The following PARD6G variants were observed in gnomAD, a reference collection of about 807,000 sequenced individuals.
PARD6G encodes par-6 family cell polarity regulator gamma, also known as partitioning defective 6 homolog gamma.
Under a neutral mutation model 10.7 loss-of-function variants are expected in PARD6G, and 7 were observed. That is an observed-to-expected ratio of 0.66 (90% CI 0.37 to 1.23). The LOEUF is 1.23. PARD6G is among the 50% of genes most tolerant of loss of function. PARD6G has a pLI of 0.02. For synonymous variants in PARD6G, 287 were observed against 269.4 expected, an observed-to-expected ratio of 1.07 and a Z score of -0.64; for missense variants, 548 against 571.8, an observed-to-expected ratio of 0.96 and a Z score of 0.42.
At chr18:80,172,315 A>G (rs1416684312) in intron 2 of PARD6G, among the ~76,000 whole-genome samples, 3 of 150,698 alleles carry the variant, frequency 2.0e-5, no homozygotes, top group Non-Finnish European at 4.4e-5. Flanking sequence ...CCACTTGAAT[A>G]TCTTTTTTGG....
Position 80,247,279 on chromosome 18 carries a change from T to C in PARD6G, c.70A>G (p.Lys24Glu). 2 of 1,576,932 alleles carry C rather than the reference T, an allele frequency of 1.3e-6. No individual in the cohort carries two copies. Among genetic ancestry groups the C allele is most frequent in the Non-Finnish European group, 1.7e-6 (2 of 1,162,278 alleles). The change falls in exon 1 of 3, where the codon AAG (lysine) becomes GAG (glutamate). Residue 24 changes from lysine (K) to glutamate (E), a missense_variant and splice_region_variant. By Grantham distance (56) the Lys-to-Glu change is moderately conservative. Coordinates refer to ENST00000353265, the MANE Select transcript of PARD6G (RefSeq NM_032510.4). The surrounding 1 kb of genome is among the most constrained non-coding windows in gnomAD (Gnocchi z 4.2). ...YDCSAVEVKS[K>E]FGAEFRRFSL... Reference sequence around the variant, plus strand: ...GCCGGGGCGGGCGGGGGGCTTACCTTGCTCTTGACTTCCACTGCGCTGCAA... The same window carrying C: ...GCCGGGGCGGGCGGGGGGCTTACCTCGCTCTTGACTTCCACTGCGCTGCAA...
rs746894104 is a variant in PARD6G, at chr18:80,160,340, C to T, written c.562G>A (p.Glu188Lys). The T allele has an allele frequency of 1.2e-6, 2 of 1,611,746 alleles. No homozygotes were observed. Among genetic ancestry groups the T allele is most frequent in the South Asian group, 1.1e-5 (1 of 91,072 alleles). Residue 188 changes from glutamate to lysine, a missense_variant, in exon 3 of 3, where the codon GAG becomes AAG. Around this residue, in one of 2 missense-constraint regions of PARD6G, gnomAD observed 235 missense variants for 291.9 expected, o/e 0.81. Coordinates refer to ENST00000353265, the MANE Select transcript of PARD6G (RefSeq NM_032510.4). ...ASVRVTPHGL[E>K]KVPGIFISRM... The stretch of plus-strand genomic sequence containing the variant: ...GAGATGAAGATGCCGGGCACCTTCT[C>T]CAGCCCGTGCGGGGTCACGCGCACG...
chr18:80,190,729 G>T (rs1454115638), intron 2 of PARD6G, among the ~76,000 whole-genome samples: 1 of 152,164 alleles, frequency 6.6e-6, no homozygotes, highest in Non-Finnish European at 1.5e-5. Context: ...GGGCAGGCGG[G>T]CAGCTGTTGG....
At chr18:80,239,811 G>A (rs777023408) in intron 1 of PARD6G, among the ~76,000 whole-genome samples, 7 of 152,296 alleles carry the variant, frequency 4.6e-5, no homozygotes, top group South Asian at 2.1e-4. Context: ...CCCCGGCAAT[G>A]AGCCAACTGG....
chr18:80,177,066 C>A (rs1220526155), intron 2 of PARD6G, among the ~76,000 whole-genome samples: 1 of 137,698 alleles, frequency 7.3e-6, no homozygotes, highest in African/African-American at 2.8e-5. Context: ...TAAATCACAG[C>A]CCAAATGGAA....
At position 80,188,043 on chromosome 18, in the gene PARD6G, C is replaced by T. The variant is rs1018745086; in HGVS notation, c.295+14667G>A. On this transcript the variant is annotated intron_variant, in intron 2 of 2. Coordinates refer to ENST00000353265, the MANE Select transcript of PARD6G (RefSeq NM_032510.4). This position sits in a 1 kb window ranked among gnomAD's most constrained non-coding sequence, Gnocchi z 5.4. ...ATATGTGCTCCATCACTGACTGAAA[C>T]GCTAAGTGGTGCGCGACCGTGCCCA... 10 of 152,224 alleles carry T rather than the reference C, an allele frequency of 6.6e-5. No individual in the cohort carries two copies. The highest frequency in any genetic ancestry group is 3.9e-4 in the Admixed American group (6 of 15,286). 9.4% of individuals were successfully genotyped at this position (152,224 alleles called of 1,614,324 possible). A position where few individuals can be genotyped will look rare whatever the true frequency, so the allele number is the denominator to read the frequency against.
chr18:80,209,638 A>C (rs907398078), intron 1 of PARD6G, among the ~76,000 whole-genome samples: 1 of 152,064 alleles, frequency 6.6e-6, no homozygotes, highest in African/African-American at 2.4e-5. Flanking sequence ...TGGGGAAACC[A>C]TGTCTCTACA....
At chr18:80,237,101 A>T (rs1967432518) in intron 1 of PARD6G, among the ~76,000 whole-genome samples, 1 of 152,200 alleles carries the variant, frequency 6.6e-6, no homozygotes, top group Non-Finnish European at 1.5e-5. Flanking sequence ...TTCAAACTAC[A>T]CTACAAGGCT....
At chr18:80,206,895 C>T (rs376954257) in intron 1 of PARD6G, among the ~76,000 whole-genome samples, 2 of 149,086 alleles carry the variant, frequency 1.3e-5, no homozygotes, top group Non-Finnish European at 1.5e-5. Flanking sequence ...AAATACTTAA[C>T]GTAAATGAAA....
At chr18:80,233,327 G>A (rs1599876453) in intron 1 of PARD6G, among the ~76,000 whole-genome samples, 1 of 152,108 alleles carries the variant, frequency 6.6e-6, no homozygotes, top group African/African-American at 2.4e-5. Flanking sequence ...TGGAACCGGC[G>A]GGTCTCACAC....
In PARD6G at chr18:80,182,033, G is replaced by A. The variant is rs12457699; in HGVS notation, c.295+20677C>T. Among the ~76,000 whole-genome samples the A allele has an allele frequency of 0.011, 1,669 of 152,294 alleles. 84 individuals carry two copies. Among genetic ancestry groups the A allele is most frequent in the Admixed American group, 0.08 (1,216 of 15,282 alleles). ...TCATCTTGCCACCTGCTTTTGTTAC[G>A]CAAGAAACTGAGGCAGAAAGCAGGG... On this transcript the variant is annotated intron_variant, in intron 2 of 2. Coordinates refer to ENST00000353265, the MANE Select transcript of PARD6G (RefSeq NM_032510.4). This position sits in a 1 kb window ranked among gnomAD's most constrained non-coding sequence, Gnocchi z 4.5.
At chr18:80,173,275 A>G (rs2145254120) in intron 2 of PARD6G, among the ~76,000 whole-genome samples, 1 of 152,214 alleles carries the variant, frequency 6.6e-6, no homozygotes, top group Middle Eastern at 3.4e-3. Flanking sequence ...CAAAGACAAG[A>G]CTCAGAACTA....
intron 1 of PARD6G, among the ~76,000 whole-genome samples, chr18:80,225,145 G>A (rs142142042): frequency 3.3e-5 from 5 of 152,306 alleles, no homozygotes; most frequent in Admixed American, 6.5e-5. Flanking sequence ...CTGCGGCACC[G>A]TTTCTCAGTC....
chr18:80,223,542 G>T (rs925263885), intron 1 of PARD6G, among the ~76,000 whole-genome samples: 1 of 152,186 alleles, frequency 6.6e-6, no homozygotes, highest in Non-Finnish European at 1.5e-5. Context: ...GGACTCACCA[G>T]GTTGGCTGTA....
rs147581959 is a variant in PARD6G at position 80,160,424 on chromosome 18, G to A, written c.478C>T (p.Arg160Trp). ...TTCTCGCAGCCGTGCCGGTGCAGCC[G>A]CACTCGCCGGTGCGTCTCGGGGACC... ...DLVPETHRRV[R>W]LHRHGCEKPL... The change falls in exon 3 of 3, where the codon CGG (arginine) becomes TGG (tryptophan). Residue 160 changes from arginine to tryptophan, a missense_variant. This residue lies in a region of PARD6G where 235 missense variants were observed against 291.9 expected (regional missense o/e 0.81). Transcript: ENST00000353265. 24 of 1,592,418 alleles carry A rather than the reference G, an allele frequency of 1.5e-5. 1 individual carries two copies. Among genetic ancestry groups the A allele is most frequent in the Middle Eastern group, 3.3e-4 (2 of 6,044 alleles).
chr18:80,168,640 GAC>G (rs2052753299), intron 2 of PARD6G, among the ~76,000 whole-genome samples: 1 of 149,596 alleles, frequency 6.7e-6, no homozygotes, highest in Admixed American at 6.7e-5. Flanking sequence ...TTTTTTTGGA[GAC>G]AGTCTCGCTC....
At chr18:80,187,112 AAG>A (rs920609423) in intron 2 of PARD6G, among the ~76,000 whole-genome samples, 2 of 151,680 alleles carry the variant, frequency 1.3e-5, no homozygotes, top group African/African-American at 4.8e-5. Flanking sequence ...AAAAAAAAAA[AAG>A]AGAAATCAAG....
At chr18:80,178,977 GAGA>G (rs374066004) in intron 2 of PARD6G, among the ~76,000 whole-genome samples, 151 of 152,336 alleles carry the variant, frequency 9.9e-4, no homozygotes, top group African/African-American at 3.5e-3. Context: ...CAGGGAGACA[GAGA>G]AGGACACGCC....
intron 1 of PARD6G, among the ~76,000 whole-genome samples, chr18:80,206,987 T>G (rs1020632377): frequency 6.6e-6 from 1 of 151,530 alleles, no homozygotes; most frequent in Non-Finnish European, 1.5e-5. Flanking sequence ...AGATGTTTAT[T>G]TGGATGGCTA....
Sources: gnomAD v4.1 joint callset for allele counts (sites outside exome capture counted in the v4.1 genomes callset) on GRCh38, gnomAD v4.1.1 for gene constraint, gnomAD v4.1.1 regional missense constraint, Gnocchi (gnomAD v3.1) non-coding constraint, MANE v1.5 for transcripts, NCBI Gene and HGNC (gene_info 2026-07-23, HGNC 2026-07-21) for gene names.